The following GNG4 variants were observed in gnomAD, a reference collection of about 807,000 sequenced individuals.
GNG4 encodes G protein subunit gamma 4, also known as guanine nucleotide-binding protein G(I)/G(S)/G(O) subunit gamma-4.
In GNG4, 4 loss-of-function variants were observed where a neutral mutation model predicts 5.8. The ratio of observed to expected loss-of-function variants is 0.69; its 90% CI spans 0.34 to 1.57. The LOEUF (loss-of-function observed/expected upper bound fraction) is 1.57. GNG4 is among the 40% of genes most tolerant of loss of function. The pLI, the probability that GNG4 is intolerant of heterozygous loss-of-function variation, is 0.06. For synonymous variants in GNG4, 29 were observed against 32.9 expected (o/e 0.88, Z 0.41); for missense variants, 96 against 95.1 (o/e 1.01, Z -0.04).
chr1:235,550,964 C>T lies in GNG4; in HGVS notation c.*1145G>A, dbSNP rs1686729235. The T allele has an allele frequency of 6.6e-6, 1 of 152,316 alleles. No individual in the cohort carries two copies. Among genetic ancestry groups the T allele is most frequent in the South Asian group, 2.1e-4 (1 of 4,824 alleles). 9.4% of individuals were successfully genotyped at this position (152,316 alleles called of 1,614,324 possible). On this transcript the variant is annotated 3_prime_UTR_variant, in exon 4 of 4. Coordinates refer to ENST00000391854, the MANE Select transcript of GNG4 (RefSeq NM_001098722.2). ...AGGGAAGGGGCTGCCCTACTAAAACCCCAGCGGGCCCAGTGCTGTGTCCAG... is the reference window on the plus strand; with the variant it reads ...AGGGAAGGGGCTGCCCTACTAAAACTCCAGCGGGCCCAGTGCTGTGTCCAG...
intron 3 of GNG4, among the ~76,000 whole-genome samples, chr1:235,575,693 G>A (rs1687466508): frequency 6.6e-6 from 1 of 152,244 alleles, no homozygotes; most frequent in Middle Eastern, 3.2e-3. Context: ...TCTAGTCCCT[G>A]GCTGAGAGTT....
At chr1:235,639,241 G>A (rs530070939) in intron 1 of GNG4, among the ~76,000 whole-genome samples, 1 of 152,352 alleles carries the variant, frequency 6.6e-6, no homozygotes, top group East Asian at 1.9e-4. Context: ...AAGGATTAGA[G>A]GGTGGCCATC....
At chr1:235,585,414 A>AT (rs974153177) in intron 2 of GNG4, among the ~76,000 whole-genome samples, 1 of 151,802 alleles carries the variant, frequency 6.6e-6, no homozygotes, top group Non-Finnish European at 1.5e-5. Context: ...TAATTAAAAA[A>AT]TTTTTTTTTG....
At chr1:235,604,101 C>T (rs909934285) in intron 1 of GNG4, among the ~76,000 whole-genome samples, 38 of 152,214 alleles carry the variant, frequency 2.5e-4, no homozygotes, top group African/African-American at 8.9e-4. Flanking sequence ...GAGGCTCTTA[C>T]ATCAGCCCTT....
chr1:235,600,475 T>G (rs1166065637), intron 1 of GNG4, among the ~76,000 whole-genome samples: 2 of 151,758 alleles, frequency 1.3e-5, no homozygotes, highest in Non-Finnish European at 2.9e-5. Flanking sequence ...GGTCTTGCTC[T>G]GTCACCCAGG....
chr1:235,577,360 C>T (rs181689129), intron 3 of GNG4, among the ~76,000 whole-genome samples: 108 of 152,314 alleles, frequency 7.1e-4, no homozygotes, highest in African/African-American at 2.5e-3. Flanking sequence ...GTCGTGTGCA[C>T]ATTCACCTGC....
intron 3 of GNG4, among the ~76,000 whole-genome samples, chr1:235,583,198 T>C (rs1461701248): frequency 6.6e-6 from 1 of 152,214 alleles, no homozygotes; most frequent in South Asian, 2.1e-4. Context: ...CTGAGTGGCA[T>C]CTGGAGAAGA....
chr1:235,642,587 A>G lies in GNG4; in HGVS notation c.-123+7075T>C, dbSNP rs1205595528. Among the ~76,000 whole-genome samples the G allele has an allele frequency of 2.0e-5, 3 of 150,476 alleles. No homozygotes were observed. The highest frequency in any genetic ancestry group is 4.4e-5 in the Non-Finnish European group (3 of 67,658). ...GGTGGCGGGTTGGCTGTGGTTTTGC[A>G]GAGGCGGGCAGGAGGGGCAGGGGGC... On this transcript the variant is annotated intron_variant, in intron 1 of 3. Transcript: ENST00000391854. The surrounding 1 kb of genome is among the most constrained non-coding windows in gnomAD (Gnocchi z 4.3).
chr1:235,639,910 ACACAGCAG>A (rs1324934122), intron 1 of GNG4, among the ~76,000 whole-genome samples: 1 of 152,224 alleles, frequency 6.6e-6, no homozygotes, highest in Non-Finnish European at 1.5e-5. Flanking sequence ...AGGACATGGC[ACACAGCAG>A]CTGTCAAATG....
At chr1:235,596,180 A>T (rs950947245) in intron 1 of GNG4, among the ~76,000 whole-genome samples, 2 of 144,874 alleles carry the variant, frequency 1.4e-5, no homozygotes, top group Non-Finnish European at 3.0e-5. Context: ...TCTCAAAAAC[A>T]AAAACAAAAC....
At position 235,553,484 on chromosome 1, in the gene GNG4, G is replaced by GA. The variant is rs946349531; in HGVS notation, c.100-1248dup. ...ATGATAAAAATGTTCCACAGATGAA[G>GA]AAAAAAAATGTTTAGAAGCCTCCAG... is the stretch of plus-strand genomic sequence containing the variant. On this transcript the variant is annotated intron_variant, in intron 3 of 3. Transcript: ENST00000391854. 2.6e-5 allele frequency among the ~76,000 whole-genome samples: 4 copies of GA among 151,930 alleles called. No homozygotes were observed. In the South Asian group the frequency reaches 6.3e-4, roughly 24 times the overall value.
intron 3 of GNG4, among the ~76,000 whole-genome samples, chr1:235,569,376 C>T (rs1032885238): frequency 4.0e-5 from 6 of 150,942 alleles, no homozygotes; most frequent in African/African-American, 1.2e-4. Flanking sequence ...GAGGATAGCT[C>T]GAGCCGGGAA....
intron 3 of GNG4, among the ~76,000 whole-genome samples, chr1:235,564,626 C>T (rs1158766285): frequency 6.6e-6 from 1 of 152,136 alleles, no homozygotes; most frequent in Non-Finnish European, 1.5e-5. Flanking sequence ...TTTATTTTTA[C>T]ATCATATAGA....
intron 1 of GNG4, among the ~76,000 whole-genome samples, chr1:235,598,279 T>A (rs766319538): frequency 4.6e-5 from 7 of 152,152 alleles, no homozygotes; most frequent in African/African-American, 7.2e-5. Context: ...CTTCTCAGAC[T>A]TTGCTGTACA....
At chr1:235,581,296 G>A (rs12734209) in intron 3 of GNG4, among the ~76,000 whole-genome samples, 28 of 152,120 alleles carry the variant, frequency 1.8e-4, no homozygotes, top group Admixed American at 1.4e-3. Context: ...TTGGGAGGCC[G>A]AGGCAGGCGG....
rs1419574332 is a variant in GNG4 at position 235,551,453 on chromosome 1, G to A, written c.*656C>T. ...AGCTACTCAGGAGGCTGAGGCAGGA[G>A]AATCGCTTGAACCCAGGAGGTGGAG... On this transcript the variant is annotated 3_prime_UTR_variant, in exon 4 of 4. Transcript: ENST00000391854. 6.6e-6 allele frequency: 1 copy of A among 152,358 alleles called. No homozygotes were observed. Among genetic ancestry groups the A allele is most frequent in the Non-Finnish European group, 1.5e-5 (1 of 68,192 alleles). The allele number at this position is 152,358 out of a possible 1,614,324, so 9.4% of individuals were successfully genotyped here. A position where few individuals can be genotyped will look rare whatever the true frequency, so the allele number is the denominator to read the frequency against.
chr1:235,577,440 TTTTC>T (rs1358239081), intron 3 of GNG4, among the ~76,000 whole-genome samples: 2 of 151,918 alleles, frequency 1.3e-5, no homozygotes, highest in Non-Finnish European at 2.9e-5. Flanking sequence ...CATCTCAGTG[TTTTC>T]TTTTTTTTTC....
intron 2 of GNG4, among the ~76,000 whole-genome samples, chr1:235,593,264 T>C (rs115477555): frequency 6.6e-6 from 1 of 152,336 alleles, no homozygotes; most frequent in Non-Finnish European, 1.5e-5. Flanking sequence ...TGTAAAATTC[T>C]GATGGGCTGC....
rs896363041 is a variant in GNG4 at position 235,634,769 on chromosome 1, C to A, written c.-123+14893G>T. Among the ~76,000 whole-genome samples the A allele has an allele frequency of 1.7e-4, 24 of 140,192 alleles. 1 individual carries two copies. Among genetic ancestry groups the A allele is most frequent in the African/African-American group, 7.3e-4 (24 of 32,812 alleles). 92.0% of individuals were successfully genotyped at this position (140,192 alleles called of 152,430 possible). ...ATCAGCCTGACCAACATGGAGAAAC[C>A]CTGTTTCTACTAAAAAATACAAAAT... On this transcript the variant is annotated intron_variant, in intron 1 of 3. Transcript: ENST00000391854.
Sources: gnomAD v4.1 joint callset for allele counts (sites outside exome capture counted in the v4.1 genomes callset) on GRCh38, gnomAD v4.1.1 for gene constraint, Gnocchi (gnomAD v3.1) non-coding constraint, MANE v1.5 for transcripts, NCBI Gene and HGNC (gene_info 2026-07-23, HGNC 2026-07-21) for gene names.